ZNF883: variants seen among roughly 807,000 people sequenced by gnomAD.
The protein encoded by ZNF883 is zinc finger protein 883.
At chr9:112,998,319 G>C (rs1268901530), upstream of ZNF883, 6 of 1,315,710 alleles carry the variant, frequency 4.6e-6, no homozygotes, top group African/African-American at 8.9e-5. Context: ...TATGTAATAG[G>C]TGTTGGCTTT....
At chr9:112,993,901 A>C (rs1242733696), downstream of ZNF883, among the ~76,000 whole-genome samples, 1 of 152,174 alleles carries the variant, frequency 6.6e-6, no homozygotes, top group Non-Finnish European at 1.5e-5. Context: ...TCTCCCCAGC[A>C]CTGGCAGGGG....
exon 1 of ZNF883, chr9:112,997,459 A>C (rs1452032991): frequency 1.9e-6 from 3 of 1,614,010 alleles, no homozygotes; most frequent in Non-Finnish European, 2.5e-6. Context: ...CACATTCTTT[A>C]CAAACATAGG....
At chr9:113,002,208 G>C (rs974466204), upstream of ZNF883, 34 of 152,156 alleles carry the variant, frequency 2.2e-4, no homozygotes, top group African/African-American at 8.2e-4. Context: ...CAGAGTTCTA[G>C]GTTCAAGAGT....
At chr9:112,996,621 C>A (rs1328525407), downstream of ZNF883, among the ~76,000 whole-genome samples, 1 of 149,762 alleles carries the variant, frequency 6.7e-6, no homozygotes. Context: ...GAAACCCCGT[C>A]TCTACTAAAA....
chr9:112,997,946 G>GT, exon 1 of ZNF883: 1 of 1,613,726 alleles, frequency 6.2e-7, no homozygotes, highest in Non-Finnish European at 8.5e-7. Flanking sequence ...ATGACTAAAG[G>GT]TTTTTTCACA....
chr9:113,002,391 G>GAATGAGATC (rs1225188252), upstream of ZNF883, among the ~76,000 whole-genome samples: 1 of 142,122 alleles, frequency 7.0e-6, no homozygotes, highest in East Asian at 2.2e-4. Context: ...ATGGTATCTT[G>GAATGAGATC]AATGAGATCA....
chr9:112,994,354 G>A (rs1828329388), downstream of ZNF883, among the ~76,000 whole-genome samples: 1 of 148,066 alleles, frequency 6.8e-6, no homozygotes, highest in African/African-American at 2.5e-5. Context: ...CATGGGTCAT[G>A]CCAATTGCCT....
downstream of ZNF883, among the ~76,000 whole-genome samples, chr9:112,996,601 C>T (rs1828356658): frequency 6.6e-6 from 1 of 150,458 alleles, no homozygotes. Context: ...ACCATCCTGG[C>T]TAACACGGTG....
At chr9:113,010,326 G>A (rs1828519836) in intron 2 of ZNF883, among the ~76,000 whole-genome samples, 1 of 152,206 alleles carries the variant, frequency 6.6e-6, no homozygotes, top group Non-Finnish European at 1.5e-5. Context: ...TTATCTAAAG[G>A]TAAGAGTGAG....
exon 1 of ZNF883, chr9:112,997,140 T>G (rs764831147): frequency 6.2e-7 from 1 of 1,605,738 alleles, no homozygotes; most frequent in South Asian, 1.1e-5. Flanking sequence ...AAGGTTTCCT[T>G]TCTGAAATGA....
downstream of ZNF883, among the ~76,000 whole-genome samples, chr9:112,994,857 GCTAT>G (rs1457500950): frequency 6.6e-6 from 1 of 151,056 alleles, no homozygotes; most frequent in African/African-American, 2.4e-5. Context: ...TTAAATTATT[GCTAT>G]CTTTTTTTTC....
chr9:112,989,355 C>T (rs564384458), intron 1 of ZNF883, among the ~76,000 whole-genome samples: 1 of 152,048 alleles, frequency 6.6e-6, no homozygotes, highest in Non-Finnish European at 1.5e-5. Flanking sequence ...AGCCAGTTCT[C>T]CCAGCACCAC....
Position 113,008,843 on chromosome 9 carries a change from G to A in ZNF883, n.165+2298C>T, listed in dbSNP as rs75157716. 9.7e-4 allele frequency among the ~76,000 whole-genome samples: 148 copies of A among 152,024 alleles called. 2 individuals are homozygous for A. In the East Asian group the frequency reaches 0.026, roughly 27 times the overall value. ...ACAGGTTCCCTCCTGTTACTATGGAGTATAATGGGAATACTTCCTGGAAGG... is the reference window on the plus strand; with the variant it reads ...ACAGGTTCCCTCCTGTTACTATGGAATATAATGGGAATACTTCCTGGAAGG... On this transcript the variant is annotated intron_variant and non_coding_transcript_variant, in intron 2 of 4. Coordinates refer to the ZNF883 transcript ENST00000638622.
At chr9:113,008,592 A>T (rs1463055370) in intron 2 of ZNF883, among the ~76,000 whole-genome samples, 1 of 151,666 alleles carries the variant, frequency 6.6e-6, no homozygotes, top group East Asian at 2.0e-4. Context: ...TTTATGATTT[A>T]AAAATCCAGC....
exon 1 of ZNF883, chr9:112,997,679 G>A: frequency 6.2e-7 from 1 of 1,612,926 alleles, no homozygotes; most frequent in South Asian, 1.1e-5. Flanking sequence ...GATTAGTGAT[G>A]TACTGTGGCA....
chr9:113,010,602 A>G (rs1376265248), intron 2 of ZNF883, among the ~76,000 whole-genome samples: 1 of 152,240 alleles, frequency 6.6e-6, no homozygotes, highest in Non-Finnish European at 1.5e-5. Context: ...ATGCATGTTC[A>G]TTAGCTTGAT....
chr9:112,992,954 T>C (rs1828315866), downstream of ZNF883, among the ~76,000 whole-genome samples: 1 of 152,204 alleles, frequency 6.6e-6, no homozygotes, highest in African/African-American at 2.4e-5. Context: ...GTTTTTCTGG[T>C]TAATAGCTTC....
At chr9:112,999,999 C>T (rs1324616530), upstream of ZNF883, among the ~76,000 whole-genome samples, 1 of 152,098 alleles carries the variant, frequency 6.6e-6, no homozygotes, top group Non-Finnish European at 1.5e-5. Context: ...TCACCTCATC[C>T]ACATAAACTC....
intron 2 of ZNF883, among the ~76,000 whole-genome samples, chr9:113,009,808 C>T (rs1392293504): frequency 6.6e-6 from 1 of 151,772 alleles, no homozygotes; most frequent in East Asian, 1.9e-4. Flanking sequence ...ACGCCCGGCC[C>T]ATATTCTCAT....
Sources: allele counts gnomAD v4.1 joint callset (sites outside exome capture counted in the v4.1 genomes callset), GRCh38; gene constraint gnomAD v4.1.1; transcripts MANE v1.5; gene names NCBI Gene and HGNC (gene_info 2026-07-23, HGNC 2026-07-21).